NTNG2: variants seen among roughly 807,000 people sequenced by gnomAD.
NTNG2 encodes the protein netrin-G2.
Under a neutral mutation model 47.6 loss-of-function variants are expected in NTNG2, and 15 were observed. That is an observed-to-expected ratio of 0.32 (90% CI 0.21 to 0.49). The LOEUF (loss-of-function observed/expected upper bound fraction) is 0.49, where lower values mean the gene tolerates loss of function less well. Ranked by LOEUF, NTNG2 falls within the 20% of genes least tolerant of loss-of-function variation. The pLI, the probability that NTNG2 is intolerant of heterozygous loss-of-function variation, is 0.99. For missense variants in NTNG2, 578 were observed against 764.6 expected (o/e 0.76, Z 2.88); for synonymous variants, 307 against 324.6 (o/e 0.95, Z 0.58).
rs1226754453 is a variant in NTNG2 at position 132,215,412 on chromosome 9, C to A, written c.858-11437C>A. Among the ~76,000 whole-genome samples, 1 of 152,044 alleles carries A rather than the reference C, an allele frequency of 6.6e-6. No individual in the cohort carries two copies. Among genetic ancestry groups the A allele is most frequent in the Non-Finnish European group, 1.5e-5 (1 of 68,016 alleles). On this transcript the variant is annotated intron_variant, in intron 3 of 7. Coordinates refer to ENST00000393229, the MANE Select transcript of NTNG2 (RefSeq NM_032536.4). The surrounding 1 kb of genome is among the most constrained non-coding windows in gnomAD (Gnocchi z 4.2). The stretch of plus-strand genomic sequence containing the variant: ...CCTGGCCAACGTGGTGAAACCCCAT[C>A]TCTACTAAAATACTAAAATTAGCCG...
intron 3 of NTNG2, among the ~76,000 whole-genome samples, chr9:132,206,950 C>A (rs1223529949): frequency 6.6e-6 from 1 of 152,350 alleles, no homozygotes; most frequent in East Asian, 1.9e-4. Flanking sequence ...GCGGTCTCCT[C>A]TGGTCTTTGG....
rs370716413 is a variant in NTNG2 at position 132,217,321 on chromosome 9, G to A, written c.858-9528G>A. Among the ~76,000 whole-genome samples, 358 of 152,338 alleles carry A rather than the reference G, an allele frequency of 2.4e-3. 7 individuals are homozygous for A. The highest frequency in any genetic ancestry group is 8.2e-3 in the African/African-American group (341 of 41,568). ...GCAGAGAAATCACAGAAGGCAGGCAGCCTGAGGCAGGGAGGGGAAGGGTGT... is the reference window on the plus strand; with the variant it reads ...GCAGAGAAATCACAGAAGGCAGGCAACCTGAGGCAGGGAGGGGAAGGGTGT... On this transcript the variant is annotated intron_variant, in intron 3 of 7. Coordinates refer to ENST00000393229, the MANE Select transcript of NTNG2 (RefSeq NM_032536.4).
At chr9:132,241,779 G>T (rs1842002666) in intron 7 of NTNG2, 97 bp from the exon 8 acceptor site, 2 of 888,458 alleles carry the variant, frequency 2.3e-6, no homozygotes, top group Non-Finnish European at 1.6e-6. Flanking sequence ...GGCCCAGACG[G>T]CGCCCCCGGG....
In NTNG2 at chr9:132,218,744, G is replaced by A. The variant is rs373114901; in HGVS notation, c.858-8105G>A. Among the ~76,000 whole-genome samples, 2 of 152,256 alleles carry A rather than the reference G, an allele frequency of 1.3e-5. No individual in the cohort carries two copies. The highest frequency in any genetic ancestry group is 2.9e-5 in the Non-Finnish European group (2 of 68,018). ...ACTCCTGACCTCAGGTGATACACCC[G>A]CCTCGGCTTCCCAAAGTGCTGGGAT... On this transcript the variant is annotated intron_variant, in intron 3 of 7. Transcript: ENST00000393229. The surrounding 1 kb of genome is among the most constrained non-coding windows in gnomAD (Gnocchi z 5.4).
At chr9:132,237,787 C>T (rs1020139122) in intron 5 of NTNG2, among the ~76,000 whole-genome samples, 7 of 152,178 alleles carry the variant, frequency 4.6e-5, no homozygotes, top group East Asian at 1.9e-4. Context: ...TAGCCCATCC[C>T]GGCTCCCCTG....
rs1835234688 is a variant in NTNG2, at chr9:132,163,387, G to T, written c.-484+1148G>T. On this transcript the variant is annotated intron_variant, in intron 1 of 7. Coordinates refer to ENST00000393229, the MANE Select transcript of NTNG2 (RefSeq NM_032536.4). This position sits in a 1 kb window ranked among gnomAD's most constrained non-coding sequence, Gnocchi z 7.2. ...TCCCGCGGGCGGGGACCCAGGGGCC[G>T]GATAAAGGGCCCGCTCCGGAGCGGG... Among the ~76,000 whole-genome samples, 1 of 151,276 alleles carries T rather than the reference G, an allele frequency of 6.6e-6. No homozygotes were observed. Among genetic ancestry groups the T allele is most frequent in the Non-Finnish European group, 1.5e-5 (1 of 67,684 alleles).
intron 5 of NTNG2, among the ~76,000 whole-genome samples, chr9:132,238,172 C>T (rs970924708): frequency 6.6e-6 from 1 of 152,288 alleles, no homozygotes; most frequent in South Asian, 2.1e-4. Context: ...TGTGTCCCTT[C>T]GTAGGAACAT....
chr9:132,193,268 GATA>G (rs1209020294), intron 2 of NTNG2, among the ~76,000 whole-genome samples: 4 of 152,334 alleles, frequency 2.6e-5, no homozygotes, highest in African/African-American at 7.2e-5. Flanking sequence ...TTAATATGAT[GATA>G]ATAATAATAA....
intron 7 of NTNG2, 26 bp from the exon 8 acceptor site, chr9:132,241,850 G>A: frequency 6.6e-7 from 1 of 1,518,654 alleles, no homozygotes; most frequent in Non-Finnish European, 8.8e-7. Flanking sequence ...GCCACCCCCC[G>A]TGCTGACCGC....
At position 132,196,758 on chromosome 9, in the gene NTNG2, T is replaced by C. The variant is rs930675596; in HGVS notation, c.214-1208T>C. Among the ~76,000 whole-genome samples the C allele has an allele frequency of 3.3e-5, 5 of 152,140 alleles. No homozygotes were observed. The East Asian group carries it at 5.8e-4, about 18-fold the overall frequency. The stretch of plus-strand genomic sequence containing the variant: ...TGGGTGTCCGATGATTCCGTTCAAT[T>C]GTAACACTGCCCAGAGCTGGCGTCA... On this transcript the variant is annotated intron_variant, in intron 2 of 7. Coordinates refer to ENST00000393229, the MANE Select transcript of NTNG2 (RefSeq NM_032536.4).
intron 3 of NTNG2, among the ~76,000 whole-genome samples, chr9:132,210,071 C>T (rs1839477529): frequency 6.6e-6 from 1 of 152,092 alleles, no homozygotes; most frequent in African/African-American, 2.4e-5. Context: ...TCTAGAGACT[C>T]CATGTCCATC....
chr9:132,190,590 C>T (rs968825273), intron 2 of NTNG2, among the ~76,000 whole-genome samples: 1 of 152,216 alleles, frequency 6.6e-6, no homozygotes, highest in African/African-American at 2.4e-5. Flanking sequence ...ACATTTACCT[C>T]CATTCTTGCT....
rs952142240 is a variant in NTNG2, at chr9:132,236,524, C to T, written c.1055-2580C>T. 2.0e-5 allele frequency among the ~76,000 whole-genome samples: 3 copies of T among 152,246 alleles called. No homozygotes were observed. Among genetic ancestry groups the T allele is most frequent in the African/African-American group, 7.2e-5 (3 of 41,464 alleles). ...CCAGCTCACATGTTCAAATTTCCTC[C>T]AGCCCCAGCTCTGAGCAGCGAGCAG... On this transcript the variant is annotated intron_variant, in intron 5 of 7. Transcript: ENST00000393229. This position sits in a 1 kb window ranked among gnomAD's most constrained non-coding sequence, Gnocchi z 4.3.
At chr9:132,234,958 C>T (rs913112729) in intron 5 of NTNG2, among the ~76,000 whole-genome samples, 1 of 152,270 alleles carries the variant, frequency 6.6e-6, no homozygotes, top group South Asian at 2.1e-4. Context: ...GCTCCCCTGT[C>T]CCTCTGGGTT....
chr9:132,209,445 G>A (rs1327558938), intron 3 of NTNG2, among the ~76,000 whole-genome samples: 1 of 152,210 alleles, frequency 6.6e-6, no homozygotes, highest in Non-Finnish European at 1.5e-5. Flanking sequence ...CGAGACTTCC[G>A]AGAGGAGAGC....
Position 132,231,370 on chromosome 9 carries a change from A to G in NTNG2, c.1054+775A>G. The G allele has an allele frequency of 2.2e-6, 1 of 455,874 alleles. No individual in the cohort carries two copies. The allele number at this position is 455,874 out of a possible 1,614,324, so 28.2% of individuals were successfully genotyped here. On this transcript the variant is annotated intron_variant, in intron 5 of 7. Coordinates refer to ENST00000393229, the MANE Select transcript of NTNG2 (RefSeq NM_032536.4). This position sits in a 1 kb window ranked among gnomAD's most constrained non-coding sequence, Gnocchi z 4.1. ...AGGAGAGGACTGGCCAATGTCAAAG[A>G]GCCAGCCGGGAGCAGACCCCAAATC...
chr9:132,216,140 GC>G (rs2130862103), intron 3 of NTNG2, among the ~76,000 whole-genome samples: 1 of 152,284 alleles, frequency 6.6e-6, no homozygotes, highest in South Asian at 2.1e-4. Flanking sequence ...TGGTGCTGCA[GC>G]CCAGCCGTGA....
intron 3 of NTNG2, 64 bp downstream of exon 3, chr9:132,198,673 T>C (rs961754118): frequency 2.0e-6 from 3 of 1,516,732 alleles, no homozygotes; most frequent in Non-Finnish European, 2.7e-6. Context: ...ACCTGGGACG[T>C]TATTGGATAC....
intron 5 of NTNG2, chr9:132,233,151 C>T (rs981816588): frequency 2.0e-5 from 3 of 152,268 alleles, no homozygotes; most frequent in Non-Finnish European, 4.4e-5. Context: ...CACAAGGGAC[C>T]TGTGCTTTGC....
Sources: allele counts gnomAD v4.1 joint callset (sites outside exome capture counted in the v4.1 genomes callset), GRCh38; gene constraint gnomAD v4.1.1; non-coding constraint Gnocchi (gnomAD v3.1); transcripts MANE v1.5; gene names NCBI Gene and HGNC (gene_info 2026-07-23, HGNC 2026-07-21).